The following HTRA1 variants were observed in gnomAD, a reference collection of about 807,000 sequenced individuals.
The protein encoded by HTRA1 is HtrA serine peptidase 1, also known as serine protease HTRA1.
HTRA1 carries 26 observed loss-of-function variants against 49.7 expected under a neutral mutation model. That is an observed-to-expected ratio of 0.52 (90% CI 0.38 to 0.73). The LOEUF is 0.73. HTRA1 is among the 30% of genes least tolerant of loss of function. The pLI is 0.00. For missense variants in HTRA1, 561 were observed against 667.2 expected (o/e 0.84, Z 1.75); for synonymous variants, 291 against 286.9 (o/e 1.01, Z -0.14).
rs2097502318 is a variant in HTRA1 at position 122,504,690 on chromosome 10, C to G, written c.778-2001C>G. 2.0e-5 allele frequency among the ~76,000 whole-genome samples: 3 copies of G among 152,170 alleles called. No individual in the cohort carries two copies. The East Asian group carries it at 5.8e-4, about 29-fold the overall frequency. On this transcript the variant is annotated intron_variant, in intron 3 of 8. Transcript: ENST00000368984. ...CCCTGGTGTGGCCTAGTGCACATCC[C>G]AGCCCTGCCTCCTGCCCCGCCTGCA...
At chr10:122,480,178 C>T (rs913861167) in intron 1 of HTRA1, among the ~76,000 whole-genome samples, 1 of 152,268 alleles carries the variant, frequency 6.6e-6, no homozygotes, top group Admixed American at 6.5e-5. Flanking sequence ...CACAGCTGTA[C>T]GGGGCAGAAG....
intron 3 of HTRA1, among the ~76,000 whole-genome samples, chr10:122,491,202 G>A (rs551946743): frequency 1.3e-5 from 2 of 152,302 alleles, no homozygotes; most frequent in East Asian, 3.9e-4. Context: ...GGGGCTCAGA[G>A]AAGTCTAGTA....
intron 1 of HTRA1, among the ~76,000 whole-genome samples, chr10:122,484,263 G>T (rs2097492207): frequency 6.6e-6 from 1 of 152,198 alleles, no homozygotes; most frequent in African/African-American, 2.4e-5. Flanking sequence ...CAGGTTGGTT[G>T]CTTCGTCAGG....
In HTRA1 at chr10:122,506,564, T is replaced by C; in HGVS notation, c.778-127T>C. 1 of 801,048 alleles carries C rather than the reference T, an allele frequency of 1.2e-6. No homozygotes were observed. The highest frequency in any genetic ancestry group is 1.4e-5 in the South Asian group (1 of 69,558). The allele number at this position is 801,048 out of a possible 1,614,324, so 49.6% of individuals were successfully genotyped here. On this transcript the variant is annotated intron_variant, in intron 3 of 8. Coordinates refer to ENST00000368984, the MANE Select transcript of HTRA1 (RefSeq NM_002775.5). This position sits in a 1 kb window ranked among gnomAD's most constrained non-coding sequence, Gnocchi z 5.2. ...AAAGGGATGTTAGTTGTGAGCTCAG[T>C]TCCCCACCGGGCCTGGTGTTTCCAA...
chr10:122,514,230 T>C lies in HTRA1; in HGVS notation c.1314T>C (p.Asn438=), dbSNP rs2133454695. 1 of 1,614,060 alleles carries C rather than the reference T, an allele frequency of 6.2e-7. No homozygotes were observed. The highest frequency in any genetic ancestry group is 8.5e-7 in the Non-Finnish European group (1 of 1,180,004). Residue 438 remains asparagine (N), a synonymous_variant, in exon 9 of 9, where the codon AAT becomes AAC. Coordinates refer to ENST00000368984, the MANE Select transcript of HTRA1 (RefSeq NM_002775.5). ...AAAACGACGTCATAATCAGCATCAA[T>C]GGACAGTCCGTGGTCTCCGCCAATG... ...LKENDVIISI[N]GQSVVSANDV...
At chr10:122,491,168 C>A (rs905291292) in intron 3 of HTRA1, among the ~76,000 whole-genome samples, 1 of 152,212 alleles carries the variant, frequency 6.6e-6, no homozygotes, top group African/African-American at 2.4e-5. Context: ...GCTGTGTTAT[C>A]CCCATTTTAG....
intron 1 of HTRA1, among the ~76,000 whole-genome samples, chr10:122,472,366 TTAC>T (rs2097486506): frequency 9.1e-6 from 1 of 109,566 alleles, no homozygotes; most frequent in African/African-American, 3.3e-5. Context: ...CATTTCTTTA[TTAC>T]TATTATTATT....
intron 1 of HTRA1, among the ~76,000 whole-genome samples, chr10:122,473,076 T>C (rs2097486861): frequency 6.6e-6 from 1 of 152,222 alleles, no homozygotes; most frequent in Non-Finnish European, 1.5e-5. Flanking sequence ...GTTAGATTCC[T>C]TTTTTGGTCT....
intron 3 of HTRA1, among the ~76,000 whole-genome samples, chr10:122,493,838 TCCCCTCCTCCCCTC>T (rs1179800102): frequency 6.7e-6 from 1 of 148,340 alleles, no homozygotes. Context: ...CTCCTCCCCT[TCCCCTCCTCCCCTC>T]CTTTCTCCAC....
chr10:122,514,214 T>C lies in HTRA1; in HGVS notation c.1298T>C (p.Val433Ala). 6.2e-7 allele frequency: 1 copy of C among 1,613,968 alleles called. No homozygotes were observed. The highest frequency in any genetic ancestry group is 1.1e-5 in the South Asian group (1 of 91,066). Residue 433 changes from valine to alanine, a missense_variant, in exon 9 of 9, where the codon GTC becomes GCC. This residue lies in a region of HTRA1 where 179 missense variants were observed against 173.4 expected (regional missense o/e 1.03). Transcript: ENST00000368984. ...AGTGGTGGTCTCAAGGAAAACGACG[T>C]CATAATCAGCATCAATGGACAGTCC... ...AEAGGLKEND[V>A]IISINGQSVV...
At chr10:122,510,012 G>T in intron 6 of HTRA1, 84 bp from the exon 7 acceptor site, 1 of 1,176,618 alleles carries the variant, frequency 8.5e-7, no homozygotes. Flanking sequence ...CTGCAACCTG[G>T]GGGATTGGGC....
chr10:122,496,914 T>C (rs1009366483), intron 3 of HTRA1, among the ~76,000 whole-genome samples: 1 of 152,220 alleles, frequency 6.6e-6, no homozygotes, highest in Non-Finnish European at 1.5e-5. Flanking sequence ...TTCTGGTTCT[T>C]TGGGGTTCCT....
At chr10:122,481,346 C>T (rs550583769) in intron 1 of HTRA1, among the ~76,000 whole-genome samples, 6 of 152,312 alleles carry the variant, frequency 3.9e-5, no homozygotes, top group Admixed American at 3.3e-4. Context: ...TTTTACTTTT[C>T]CCTTAGCCTC....
At chr10:122,467,782 AAAG>A (rs2097484370) in intron 1 of HTRA1, among the ~76,000 whole-genome samples, 1 of 152,144 alleles carries the variant, frequency 6.6e-6, no homozygotes, top group African/African-American at 2.4e-5. Flanking sequence ...GTTAAAAAAA[AAAG>A]AAGAAAGAGA....
chr10:122,472,154 A>T (rs2097486385), intron 1 of HTRA1, among the ~76,000 whole-genome samples: 1 of 152,060 alleles, frequency 6.6e-6, no homozygotes, highest in African/African-American at 2.4e-5. Context: ...TAAGCAGAAT[A>T]TACAAGTTTT....
chr10:122,467,461 C>G (rs2097484227), intron 1 of HTRA1, among the ~76,000 whole-genome samples: 1 of 152,190 alleles, frequency 6.6e-6, no homozygotes, highest in Non-Finnish European at 1.5e-5. Context: ...TTGTGGTCAC[C>G]TCATTCCTAA....
rs2097493574 is a variant in HTRA1 at position 122,487,456 on chromosome 10, C to T, written c.473-1446C>T. 6.6e-6 allele frequency among the ~76,000 whole-genome samples: 1 copy of T among 152,230 alleles called. No individual in the cohort carries two copies. Among genetic ancestry groups the T allele is most frequent in the African/African-American group, 2.4e-5 (1 of 41,460 alleles). ...AATCTCTAGCAGTCCGTTTCTGAAT[C>T]AGTTACCTTGGGTATGTGCCTCTGG... On this transcript the variant is annotated intron_variant, in intron 1 of 8. Transcript: ENST00000368984. The surrounding 1 kb of genome is among the most constrained non-coding windows in gnomAD (Gnocchi z 4.8).
chr10:122,489,229 A>C (rs2097494580), intron 2 of HTRA1, among the ~76,000 whole-genome samples, 193 bp from the exon 3 acceptor site: 1 of 152,222 alleles, frequency 6.6e-6, no homozygotes, highest in African/African-American at 2.4e-5. Flanking sequence ...AGATTCTCTA[A>C]GAATATTTTG....
rs1268315449 is a variant in HTRA1, at chr10:122,461,976, CCT to C, written c.327_328del (p.Cys112ArgfsTer56). ...CGGTGCGGCGGCGCGCGCAGGCCGG[CCT>C]CTGTGTGTGCGCCAGCAGCGAGCCG... is the stretch of plus-strand genomic sequence containing the variant. ...ATVRRRAQAG[L>X]CVCASSEPVC... On this transcript the variant is annotated frameshift_variant, in exon 1 of 9. Coordinates refer to ENST00000368984, the MANE Select transcript of HTRA1 (RefSeq NM_002775.5). LOFTEE classifies it high-confidence loss of function. 1 of 1,518,876 alleles carries C rather than the reference CCT, an allele frequency of 6.6e-7. No homozygotes were observed. Among genetic ancestry groups the C allele is most frequent in the Non-Finnish European group, 8.8e-7 (1 of 1,140,250 alleles). 94.1% of individuals were successfully genotyped at this position (1,518,876 alleles called of 1,614,324 possible). A position where few individuals can be genotyped will look rare whatever the true frequency, so the allele number is the denominator to read the frequency against.
Sources: allele counts gnomAD v4.1 joint callset (sites outside exome capture counted in the v4.1 genomes callset), GRCh38; gene constraint gnomAD v4.1.1; regional missense constraint gnomAD v4.1.1; non-coding constraint Gnocchi (gnomAD v3.1); transcripts MANE v1.5; gene names NCBI Gene and HGNC (gene_info 2026-07-23, HGNC 2026-07-21).